Variants in XPR1 observed in about 807,000 individuals in gnomAD.
XPR1 encodes the protein solute carrier family 53 member 1.
In XPR1, 28 loss-of-function variants were observed where a neutral mutation model predicts 87.5. The observed-to-expected ratio is 0.32, with a 90% CI of 0.24 to 0.44. The LOEUF (loss-of-function observed/expected upper bound fraction) is 0.44, where lower values mean the gene tolerates loss of function less well. Among genes scored for constraint, XPR1 ranks in the 20% least tolerant of loss-of-function variants. The pLI, the probability that XPR1 is intolerant of heterozygous loss-of-function variation, is 1.00. For missense variants in XPR1, 559 were observed against 862.3 expected (o/e 0.65, Z 4.41); for synonymous variants, 300 against 306.1 (o/e 0.98, Z 0.21).
chr1:180,858,616 A>G (rs181711514), intron 11 of XPR1, among the ~76,000 whole-genome samples: 29 of 152,284 alleles, frequency 1.9e-4, no homozygotes, highest in Non-Finnish European at 3.2e-4. Context: ...TTTTGTCTCA[A>G]TCATTTTAAG....
intron 11 of XPR1, among the ~76,000 whole-genome samples, chr1:180,857,394 TTGTC>T (rs1298794475): frequency 1.3e-5 from 2 of 152,166 alleles, no homozygotes; most frequent in African/African-American, 2.4e-5. Flanking sequence ...GGCAGGAAAT[TTGTC>T]TGACCATTAG....
intron 11 of XPR1, among the ~76,000 whole-genome samples, chr1:180,856,652 G>T (rs577366033): frequency 2.1e-4 from 32 of 152,268 alleles, no homozygotes; most frequent in Middle Eastern, 3.4e-3. Flanking sequence ...TAAAAACTAG[G>T]AGTTATTTTT....
intron 3 of XPR1, among the ~76,000 whole-genome samples, chr1:180,791,306 C>G (rs1246995704): frequency 1.3e-5 from 2 of 152,196 alleles, no homozygotes; most frequent in Non-Finnish European, 2.9e-5. Context: ...GGATCTCACT[C>G]TGTTGTCCAG....
intron 2 of XPR1, among the ~76,000 whole-genome samples, chr1:180,745,693 T>C (rs1002564617): frequency 6.6e-6 from 1 of 152,206 alleles, no homozygotes; most frequent in African/African-American, 2.4e-5. Context: ...GATGCCTATA[T>C]CTTGGTTTTG....
chr1:180,724,500 C>T (rs973917638), intron 2 of XPR1, among the ~76,000 whole-genome samples: 2 of 151,994 alleles, frequency 1.3e-5, no homozygotes, highest in Admixed American at 6.6e-5. Context: ...CTTACAGAGG[C>T]AAAAGTGCCT....
chr1:180,656,553 A>ATATAATATT (rs1371228766), intron 1 of XPR1, among the ~76,000 whole-genome samples: 1 of 14,000 alleles, frequency 7.1e-5, no homozygotes, highest in African/African-American at 1.6e-4. Context: ...TTATATATTT[A>ATATAATATT]TATGTATAAT....
At chr1:180,758,978 A>G (rs539009681) in intron 2 of XPR1, among the ~76,000 whole-genome samples, 28 of 152,200 alleles carry the variant, frequency 1.8e-4, no homozygotes, top group Non-Finnish European at 3.8e-4. Context: ...AAAACTGCTC[A>G]ACTACATGGA....
intron 2 of XPR1, among the ~76,000 whole-genome samples, chr1:180,697,193 T>A (rs1657200636): frequency 6.6e-6 from 1 of 152,190 alleles, no homozygotes; most frequent in Admixed American, 6.5e-5. Context: ...TGTTTCTTCC[T>A]GATTCAATCT....
At chr1:180,653,597 C>G (rs1203494499) in intron 1 of XPR1, among the ~76,000 whole-genome samples, 2 of 152,062 alleles carry the variant, frequency 1.3e-5, no homozygotes, top group Non-Finnish European at 2.9e-5. Flanking sequence ...TAATACTGAA[C>G]TCCATATTAA....
chr1:180,676,941 G>T (rs1289827764), intron 1 of XPR1, among the ~76,000 whole-genome samples: 1 of 152,014 alleles, frequency 6.6e-6, no homozygotes, highest in African/African-American at 2.4e-5. Flanking sequence ...TTTGTTTTTG[G>T]GTGGGGTGGG....
intron 1 of XPR1, among the ~76,000 whole-genome samples, chr1:180,675,760 C>T (rs1252730006): frequency 6.6e-6 from 1 of 152,092 alleles, no homozygotes; most frequent in Non-Finnish European, 1.5e-5. Context: ...ATGTATGGCT[C>T]CCAACCCAGG....
chr1:180,716,989 AT>A (rs1658018397), intron 2 of XPR1, among the ~76,000 whole-genome samples: 2 of 151,906 alleles, frequency 1.3e-5, no homozygotes, highest in Non-Finnish European at 2.9e-5. Flanking sequence ...AACACACGTA[AT>A]TTTCTTTTTC....
At chr1:180,806,263 T>A (rs773367114) in intron 5 of XPR1, 52 bp downstream of exon 5, 6 of 1,588,474 alleles carry the variant, frequency 3.8e-6, no homozygotes, top group Non-Finnish European at 5.2e-6. Context: ...CGTTTTATAT[T>A]TAGGGAAGCA....
At chr1:180,645,676 A>G (rs1004575081) in intron 1 of XPR1, among the ~76,000 whole-genome samples, 1 of 152,210 alleles carries the variant, frequency 6.6e-6, no homozygotes, top group African/African-American at 2.4e-5. Flanking sequence ...CTCTGCATCC[A>G]TCTCCTCACA....
intron 2 of XPR1, among the ~76,000 whole-genome samples, chr1:180,691,617 C>A (rs527485011): frequency 1.3e-5 from 2 of 152,146 alleles, no homozygotes; most frequent in Non-Finnish European, 2.9e-5. Flanking sequence ...TGTTCCCTCT[C>A]CAGTCTTGTG....
chr1:180,738,052 C>T (rs1306604258), intron 2 of XPR1, among the ~76,000 whole-genome samples: 1 of 152,068 alleles, frequency 6.6e-6, no homozygotes, highest in Non-Finnish European at 1.5e-5. Context: ...TGCTCTGTCA[C>T]CCAGGCTGGA....
In XPR1 at chr1:180,651,509, G is replaced by C. The variant is rs144788097; in HGVS notation, c.69+19239G>C. Among the ~76,000 whole-genome samples the C allele has an allele frequency of 3.0e-3, 453 of 152,298 alleles. 2 individuals carry two copies. Among genetic ancestry groups the C allele is most frequent in the Non-Finnish European group, 5.7e-3 (389 of 68,022 alleles). On this transcript the variant is annotated intron_variant, in intron 1 of 14. Transcript: ENST00000367590. Reference sequence around the variant, plus strand: ...CTTTAACATTGGGATGCATCTTATGGATGTCACAGTTGAATTGGTAATGGT... The same window carrying C: ...CTTTAACATTGGGATGCATCTTATGCATGTCACAGTTGAATTGGTAATGGT...
At chr1:180,878,614 T>C (rs372985220) in intron 13 of XPR1, among the ~76,000 whole-genome samples, 63 of 152,286 alleles carry the variant, frequency 4.1e-4, no homozygotes, top group African/African-American at 1.4e-3. Context: ...AAGTAACTCA[T>C]CCAAGGTCAT....
At chr1:180,683,625 C>A (rs1234410637) in intron 2 of XPR1, among the ~76,000 whole-genome samples, 2 of 152,100 alleles carry the variant, frequency 1.3e-5, no homozygotes, top group Admixed American at 1.3e-4. Context: ...TCTCCAGCAC[C>A]TGTTGTTTCC....
Sources: gnomAD v4.1 joint callset for allele counts (sites outside exome capture counted in the v4.1 genomes callset) on GRCh38, gnomAD v4.1.1 for gene constraint, MANE v1.5 for transcripts, NCBI Gene and HGNC (gene_info 2026-07-23, HGNC 2026-07-21) for gene names.